The following CCDC148 variants were observed in gnomAD, a reference collection of about 807,000 sequenced individuals.
The protein encoded by CCDC148 is coiled-coil domain-containing protein 148.
Under a neutral mutation model 85.7 loss-of-function variants are expected in CCDC148, and 89 were observed. The observed-to-expected ratio is 1.04, with a 90% confidence interval of 0.87 to 1.24. The LOEUF (loss-of-function observed/expected upper bound fraction) is 1.24. Among genes scored for constraint, CCDC148 ranks in the 50% most tolerant of loss-of-function variants. The probability of loss-of-function intolerance (pLI) is 0.00; values close to 1 mark genes in which losing one functional copy is unlikely to be tolerated. For synonymous variants in CCDC148, 230 were observed against 213.9 expected (o/e 1.08, Z -0.66); for missense variants, 692 against 671.7 (o/e 1.03, Z -0.33).
intron 7 of CCDC148, among the ~76,000 whole-genome samples, chr2:158,323,913 G>A (rs1226948213): frequency 2.9e-5 from 4 of 135,990 alleles, no homozygotes. Flanking sequence ...CACCACCTGG[G>A]AATAACTTTT....
intron 1 of CCDC148, among the ~76,000 whole-genome samples, chr2:158,412,222 C>T (rs566704954): frequency 2.9e-4 from 44 of 152,256 alleles, no homozygotes; most frequent in African/African-American, 1.0e-3. Flanking sequence ...TGGGATAACA[C>T]AGGTAAAATG....
At chr2:158,323,726 G>A (rs758515473) in intron 7 of CCDC148, among the ~76,000 whole-genome samples, 14 of 152,102 alleles carry the variant, frequency 9.2e-5, no homozygotes, top group Non-Finnish European at 1.6e-4. Context: ...CTGTAAAACA[G>A]AGCTTTTAAG....
intron 10 of CCDC148, among the ~76,000 whole-genome samples, chr2:158,243,708 G>T (rs898836054): frequency 6.6e-6 from 1 of 152,062 alleles, no homozygotes; most frequent in African/African-American, 2.4e-5. Context: ...TCACACCTCA[G>T]TCTGTTCTTC....
chr2:158,332,549 A>T (rs989784374), intron 7 of CCDC148, among the ~76,000 whole-genome samples: 1 of 149,278 alleles, frequency 6.7e-6, no homozygotes, highest in African/African-American at 2.5e-5. Context: ...TGGCCTTATA[A>T]AATGAGTTAG....
chr2:158,277,025 T>C (rs537999674), intron 9 of CCDC148, among the ~76,000 whole-genome samples: 85 of 152,336 alleles, frequency 5.6e-4, no homozygotes, highest in African/African-American at 2.0e-3. Flanking sequence ...CACAGAAGTT[T>C]AGAGCTGGAG....
At chr2:158,386,209 C>A (rs1574732774) in intron 1 of CCDC148, among the ~76,000 whole-genome samples, 1 of 152,028 alleles carries the variant, frequency 6.6e-6, no homozygotes, top group Admixed American at 6.6e-5. Flanking sequence ...TGCTATTAGT[C>A]TCATTTTTCA....
At chr2:158,418,828 G>C (rs999072063) in intron 1 of CCDC148, among the ~76,000 whole-genome samples, 3 of 151,920 alleles carry the variant, frequency 2.0e-5, no homozygotes, top group African/African-American at 7.3e-5. Context: ...CTGGCATATA[G>C]GAAGCATACA....
chr2:158,384,064 C>T (rs1684985713), intron 1 of CCDC148, among the ~76,000 whole-genome samples: 1 of 152,144 alleles, frequency 6.6e-6, no homozygotes, highest in Admixed American at 6.6e-5. Context: ...TGATTAGGCC[C>T]AGAATATGCA....
chr2:158,317,188 GC>G (rs1692319922), intron 7 of CCDC148, among the ~76,000 whole-genome samples: 1 of 152,060 alleles, frequency 6.6e-6, no homozygotes, highest in Admixed American at 6.6e-5. Context: ...AGTGTCCTAA[GC>G]TTTTTGCAAT....
intron 1 of CCDC148, among the ~76,000 whole-genome samples, chr2:158,449,454 C>CT (rs34470476): frequency 0.67 from 99,409 of 147,806 alleles, 33,590 homozygotes; most frequent in South Asian, 0.78. Context: ...TCCTTGGTTT[C>CT]TTTTTTTTTT....
chr2:158,384,134 T>C (rs1348666232), intron 1 of CCDC148, among the ~76,000 whole-genome samples: 1 of 152,238 alleles, frequency 6.6e-6, no homozygotes, highest in East Asian at 1.9e-4. Context: ...GATTTCCCTT[T>C]GTCCATTACT....
At chr2:158,398,338 C>T (rs533133900) in intron 1 of CCDC148, among the ~76,000 whole-genome samples, 2 of 152,126 alleles carry the variant, frequency 1.3e-5, no homozygotes, top group East Asian at 3.9e-4. Context: ...TTCTCAGCAC[C>T]ACATCACACT....
At chr2:158,199,752 T>C (rs1340336896) in intron 11 of CCDC148, among the ~76,000 whole-genome samples, 1 of 152,184 alleles carries the variant, frequency 6.6e-6, no homozygotes, top group Non-Finnish European at 1.5e-5. Flanking sequence ...AAAAATATAG[T>C]TATCTGATTA....
intron 9 of CCDC148, among the ~76,000 whole-genome samples, chr2:158,282,584 C>G (rs1319884683): frequency 6.6e-6 from 1 of 152,098 alleles, no homozygotes. Context: ...ACGTGAAGGA[C>G]CTCTTCAAGG....
chr2:158,312,085 C>A (rs922706734), intron 8 of CCDC148, among the ~76,000 whole-genome samples: 3 of 152,136 alleles, frequency 2.0e-5, no homozygotes, highest in Non-Finnish European at 4.4e-5. Flanking sequence ...ATTTAACCCC[C>A]AGGAGTTGTG....
At chr2:158,307,187 T>C (rs1018509407) in intron 9 of CCDC148, among the ~76,000 whole-genome samples, 9 of 152,002 alleles carry the variant, frequency 5.9e-5, no homozygotes, top group African/African-American at 2.2e-4. Flanking sequence ...GAAATAGCTC[T>C]TGCATACAGA....
At chr2:158,297,077 G>T (rs1691223832) in intron 9 of CCDC148, among the ~76,000 whole-genome samples, 1 of 152,140 alleles carries the variant, frequency 6.6e-6, no homozygotes, top group African/African-American at 2.4e-5. Context: ...CACTGATTAT[G>T]CTAATGATGC....
chr2:158,249,665 C>A (rs1332909709), intron 10 of CCDC148, among the ~76,000 whole-genome samples: 1 of 152,074 alleles, frequency 6.6e-6, no homozygotes, highest in East Asian at 1.9e-4. Context: ...CAAAACAAAT[C>A]AATAACAATG....
At chr2:158,269,497 C>T (rs549189421) in intron 9 of CCDC148, among the ~76,000 whole-genome samples, 1 of 152,278 alleles carries the variant, frequency 6.6e-6, no homozygotes, top group South Asian at 2.1e-4. Context: ...TTTGCAAAAA[C>T]TTATTCATTC....
Sources: gnomAD v4.1 joint callset for allele counts (sites outside exome capture counted in the v4.1 genomes callset) on GRCh38, gnomAD v4.1.1 for gene constraint, MANE v1.5 for transcripts, NCBI Gene and HGNC (gene_info 2026-07-23, HGNC 2026-07-21) for gene names.